Variants in RAB28 observed in about 807,000 individuals in gnomAD.
RAB28 encodes ras-related protein Rab-28.
In RAB28, 24 loss-of-function variants were observed where a neutral mutation model predicts 31.7. The ratio of observed to expected loss-of-function variants is 0.76; its 90% confidence interval spans 0.55 to 1.06. The LOEUF is 1.06. RAB28 is among the 50% of genes least tolerant of loss of function. The pLI, the probability that RAB28 is intolerant of heterozygous loss-of-function variation, is 0.00. For missense variants in RAB28, 254 were observed against 258.5 expected, an observed-to-expected ratio of 0.98 and a Z score of 0.12; for synonymous variants, 100 against 90.4, an observed-to-expected ratio of 1.11 and a Z score of -0.60.
intron 6 of RAB28, among the ~76,000 whole-genome samples, chr4:13,375,792 C>CAG (rs1180020718): frequency 2.0e-5 from 3 of 149,214 alleles, no homozygotes; most frequent in South Asian, 2.1e-4. Flanking sequence ...CACACACACA[C>CAG]ACAGAGAGAG....
intron 4 of RAB28, among the ~76,000 whole-genome samples, chr4:13,393,855 C>CAAAAAA (rs759509251): frequency 1.0e-4 from 8 of 79,332 alleles, no homozygotes; most frequent in East Asian, 5.6e-4. Context: ...TCACAGGCTA[C>CAAAAAA]AAAAAAAAAA....
At chr4:13,466,411 T>G (rs9996355) in intron 3 of RAB28, among the ~76,000 whole-genome samples, 11,052 of 151,920 alleles carry the variant, frequency 0.073, 960 homozygotes, top group African/African-American at 0.21. Context: ...CATAAAGACA[T>G]TACTCAGAAG....
chr4:13,412,312 C>G (rs1302992813), intron 4 of RAB28, among the ~76,000 whole-genome samples: 1 of 152,084 alleles, frequency 6.6e-6, no homozygotes, highest in Admixed American at 6.5e-5. Flanking sequence ...CATCAATGCT[C>G]AGATTGCTAG....
At chr4:13,370,688 C>T in intron 6 of RAB28, 3 of 984,678 alleles carry the variant, frequency 3.0e-6, no homozygotes, top group South Asian at 4.7e-5. Context: ...TTATGATGCT[C>T]GCTCCCCCAT....
intron 4 of RAB28, among the ~76,000 whole-genome samples, chr4:13,417,962 G>A (rs537611279): frequency 6.6e-6 from 1 of 152,304 alleles, no homozygotes; most frequent in South Asian, 2.1e-4. Flanking sequence ...TGAGCTAAAG[G>A]AGGATGTTCG....
At position 13,418,178 on chromosome 4, in the gene RAB28, T is replaced by C. The variant is rs190302777; in HGVS notation, c.392-36584A>G. 1.1e-4 allele frequency among the ~76,000 whole-genome samples: 16 copies of C among 151,722 alleles called. No homozygotes were observed. The East Asian group carries it at 2.9e-3, about 28-fold the overall frequency. ...GCGATTGAAGATCAAATTAATGAAA[T>C]AAAGCAAGAGGAGAAATTAAGAGAA... On this transcript the variant is annotated intron_variant, in intron 4 of 6. Coordinates refer to ENST00000330852, the MANE Select transcript of RAB28 (RefSeq NM_001017979.3).
At chr4:13,384,807 C>T (rs1729293217) in intron 4 of RAB28, among the ~76,000 whole-genome samples, 1 of 152,162 alleles carries the variant, frequency 6.6e-6, no homozygotes, top group Non-Finnish European at 1.5e-5. Flanking sequence ...AGCCAGAGTA[C>T]CTTCTTTCCT....
chr4:13,371,359 T>A, intron 6 of RAB28: 2 of 985,318 alleles, frequency 2.0e-6, no homozygotes, highest in Non-Finnish European at 2.4e-6. Context: ...AACTGTTTCA[T>A]GCCAAACTAT....
At chr4:13,474,455 GT>G (rs758318933) in intron 2 of RAB28, 49 bp from the exon 3 acceptor site, 1 of 1,104,108 alleles carries the variant, frequency 9.1e-7, no homozygotes, top group Admixed American at 2.0e-5. Flanking sequence ...AAAAAATTAA[GT>G]AACAATACAA....
chr4:13,410,681 A>C (rs1712392211), intron 4 of RAB28, among the ~76,000 whole-genome samples: 1 of 152,188 alleles, frequency 6.6e-6, no homozygotes, highest in Non-Finnish European at 1.5e-5. Flanking sequence ...AATAAAGAAA[A>C]TAAAGAACAA....
intron 5 of RAB28, among the ~76,000 whole-genome samples, chr4:13,376,959 A>C (rs1430064712): frequency 6.6e-6 from 1 of 152,118 alleles, no homozygotes; most frequent in Non-Finnish European, 1.5e-5. Context: ...ATAATTCCTG[A>C]AGAAAATAAA....
intron 4 of RAB28, among the ~76,000 whole-genome samples, chr4:13,420,401 A>C (rs962502578): frequency 7.2e-5 from 11 of 152,244 alleles, no homozygotes; most frequent in Non-Finnish European, 1.5e-4. Flanking sequence ...TCCCTAACTC[A>C]TTTTATGATG....
At chr4:13,402,547 A>AAG (rs1269462882) in intron 4 of RAB28, among the ~76,000 whole-genome samples, 5 of 152,238 alleles carry the variant, frequency 3.3e-5, no homozygotes, top group Admixed American at 3.3e-4. Context: ...TAGTTACTTC[A>AAG]ACTTTCTTTT....
At chr4:13,385,935 C>CT (rs1339035499) in intron 4 of RAB28, among the ~76,000 whole-genome samples, 1 of 151,986 alleles carries the variant, frequency 6.6e-6, no homozygotes, top group Non-Finnish European at 1.5e-5. Context: ...AAGAGAAATG[C>CT]TTACAGACAT....
chr4:13,409,323 G>A (rs560236566), intron 4 of RAB28, among the ~76,000 whole-genome samples: 1 of 152,302 alleles, frequency 6.6e-6, no homozygotes, highest in African/African-American at 2.4e-5. Context: ...ATAAGTCTTA[G>A]GCGGTACATT....
intron 4 of RAB28, among the ~76,000 whole-genome samples, chr4:13,420,688 C>T (rs1458074104): frequency 1.3e-5 from 2 of 152,132 alleles, no homozygotes; most frequent in African/African-American, 2.4e-5. Flanking sequence ...GCAGAAAAGG[C>T]CTTGACAGAA....
At chr4:13,460,968 T>A in intron 3 of RAB28, 140 bp from the exon 4 acceptor site, 2 of 765,850 alleles carry the variant, frequency 2.6e-6, no homozygotes, top group Non-Finnish European at 4.0e-6. Context: ...AACTTCCATT[T>A]AAATTGCTTA....
At chr4:13,444,873 T>C (rs1270438152) in intron 4 of RAB28, among the ~76,000 whole-genome samples, 1 of 152,154 alleles carries the variant, frequency 6.6e-6, no homozygotes, top group South Asian at 2.1e-4. Flanking sequence ...TTGATCTTCT[T>C]GTGGAGTATC....
At chr4:13,371,363 A>G in intron 6 of RAB28, 4 of 985,352 alleles carry the variant, frequency 4.1e-6, no homozygotes, top group Non-Finnish European at 3.6e-6. Context: ...GTTTCATGCC[A>G]AACTATGGGT....
Sources: gnomAD v4.1 joint callset for allele counts (sites outside exome capture counted in the v4.1 genomes callset) on GRCh38, gnomAD v4.1.1 for gene constraint, MANE v1.5 for transcripts, NCBI Gene and HGNC (gene_info 2026-07-23, HGNC 2026-07-21) for gene names.